Variants in MAP3K13 observed in about 807,000 individuals in gnomAD.
MAP3K13 encodes the protein mitogen-activated protein kinase kinase kinase 13.
A neutral mutation model predicts 104.0 loss-of-function variants in MAP3K13; 52 were observed. The observed-to-expected ratio is 0.50, with a 90% confidence interval of 0.40 to 0.63. MAP3K13 has a LOEUF of 0.63. Among genes scored for constraint, MAP3K13 ranks in the 20% least tolerant of loss-of-function variants. The probability of loss-of-function intolerance (pLI) is 0.00; values close to 1 mark genes in which losing one functional copy is unlikely to be tolerated. For synonymous variants in MAP3K13, 394 were observed against 442.2 expected, an observed-to-expected ratio of 0.89 and a Z score of 1.37; for missense variants, 914 against 1,218.5, an observed-to-expected ratio of 0.75 and a Z score of 3.72.
intron 10 of MAP3K13, among the ~76,000 whole-genome samples, chr3:185,472,755 A>C (rs1474753718): frequency 1.3e-5 from 2 of 152,122 alleles, no homozygotes; most frequent in Non-Finnish European, 2.9e-5. Context: ...AGTTGGTATG[A>C]GTTTATTTCC....
rs1560119948 is a variant in MAP3K13, at chr3:185,455,583, TGATATATATGAGA to T, written c.1278+4189_1278+4201del. On this transcript the variant is annotated intron_variant, in intron 7 of 13. Transcript: ENST00000265026. ...ATATGAGATATATATGACATATATA[TGATATATATGAGA>T]TATATATATCATATATATGAGATAT... is the stretch of plus-strand genomic sequence containing the variant. Among the ~76,000 whole-genome samples, 51 of 46,712 alleles carry T rather than the reference TGATATATATGAGA, an allele frequency of 1.1e-3. 12 individuals are homozygous for T. Among genetic ancestry groups the T allele is most frequent in the African/African-American group, 2.5e-3 (50 of 20,274 alleles). The allele number at this position is 46,712 out of a possible 152,430, so 30.6% of individuals were successfully genotyped here.
intron 2 of MAP3K13, among the ~76,000 whole-genome samples, chr3:185,325,067 T>G (rs1022552990): frequency 1.3e-5 from 2 of 152,252 alleles, no homozygotes; most frequent in Non-Finnish European, 2.9e-5. Flanking sequence ...TTCTCAATCT[T>G]GACTGTTCAA....
intron 1 of MAP3K13, among the ~76,000 whole-genome samples, chr3:185,379,142 C>T (rs927622744): frequency 6.6e-6 from 1 of 152,130 alleles, no homozygotes; most frequent in Non-Finnish European, 1.5e-5. Context: ...AATTGACTTG[C>T]CACCAAGGGA....
chr3:185,354,684 A>C (rs1723279857), intron 2 of MAP3K13, among the ~76,000 whole-genome samples: 1 of 151,856 alleles, frequency 6.6e-6, no homozygotes, highest in South Asian at 2.1e-4. Flanking sequence ...CTTGCCCCCA[A>C]ATTTCAGTTA....
In MAP3K13 at chr3:185,482,453, G is replaced by C; in HGVS notation, c.2898G>C (p.Trp966Cys). 6.2e-7 allele frequency: 1 copy of C among 1,609,510 alleles called. No individual in the cohort carries two copies. The highest frequency in any genetic ancestry group is 8.5e-7 in the Non-Finnish European group (1 of 1,175,980). Residue 966 changes from tryptophan (W) to cysteine (C), a missense_variant, in exon 14 of 14, where the codon TGG becomes TGC. Around this residue, in one of 3 missense-constraint regions of MAP3K13, gnomAD observed 583 missense variants for 737.4 expected, o/e 0.79. Transcript: ENST00000265026. This position sits in a 1 kb window ranked among gnomAD's most constrained non-coding sequence, Gnocchi z 4.5. ...ATAAACACTACAGCTCTGCTACCTG[G>C]TAATGAAGGAATACACATCCTGAAG... ...RTNKHYSSAT[W>C] is the part of the protein sequence containing the mutation.
intron 7 of MAP3K13, among the ~76,000 whole-genome samples, chr3:185,456,596 C>CTTTT (rs35547697): frequency 5.6e-4 from 60 of 107,982 alleles, no homozygotes; most frequent in Non-Finnish European, 7.5e-4. Context: ...TTTGCTTCTC[C>CTTTT]TTTTTTTTTT....
At chr3:185,399,693 A>G (rs1345372944) in intron 1 of MAP3K13, among the ~76,000 whole-genome samples, 1 of 120,148 alleles carries the variant, frequency 8.3e-6, no homozygotes, top group Non-Finnish European at 1.7e-5. Context: ...GAAGGAAGGA[A>G]GGAAGGAAGG....
chr3:185,305,161 A>G (rs1721248591), intron 2 of MAP3K13, among the ~76,000 whole-genome samples: 3 of 152,008 alleles, frequency 2.0e-5, no homozygotes, highest in Admixed American at 6.6e-5. Context: ...TCTTTTCTAT[A>G]TGTCTCGTAG....
intron 4 of MAP3K13, among the ~76,000 whole-genome samples, chr3:185,445,805 A>T (rs1315688730): frequency 2.0e-5 from 3 of 152,144 alleles, no homozygotes; most frequent in Non-Finnish European, 2.9e-5. Context: ...GAAAAATTCT[A>T]ATGTTATATT....
At chr3:185,283,121 T>C (rs926968606) in intron 1 of MAP3K13, 10 of 152,376 alleles carry the variant, frequency 6.6e-5, no homozygotes, top group African/African-American at 2.4e-4. Flanking sequence ...TGGACACAGG[T>C]TAGGTAATGG....
intron 2 of MAP3K13, among the ~76,000 whole-genome samples, chr3:185,302,430 T>G (rs7650894): frequency 0.79 from 120,414 of 151,986 alleles, 47,996 homozygotes; most frequent in Non-Finnish European, 0.84. Context: ...ATAAATAAAT[T>G]AACAAATAAA....
intron 10 of MAP3K13, among the ~76,000 whole-genome samples, chr3:185,472,285 T>G (rs926798734): frequency 6.8e-6 from 1 of 148,010 alleles, no homozygotes; most frequent in Non-Finnish European, 1.5e-5. Context: ...CCATCTCGGC[T>G]CACTGCAACC....
At chr3:185,448,107 G>A in intron 5 of MAP3K13, 160 bp downstream of exon 5, 1 of 844,490 alleles carries the variant, frequency 1.2e-6, no homozygotes, top group Non-Finnish European at 2.1e-6. Context: ...TCCCAGTATG[G>A]TGATATATGG....
At position 185,437,574 on chromosome 3, in the gene MAP3K13, T is replaced by A; in HGVS notation, c.603T>A (p.Asn201Lys). 6.2e-7 allele frequency: 1 copy of A among 1,613,026 alleles called. No homozygotes were observed. Among genetic ancestry groups the A allele is most frequent in the Non-Finnish European group, 8.5e-7 (1 of 1,179,862 alleles). Reference sequence around the variant, plus strand: ...CCATCAAGAAAGTGAGAGAACAGAATGAGACGGATATCAAGCATTTGAGGA... The same window carrying A: ...CCATCAAGAAAGTGAGAGAACAGAAAGAGACGGATATCAAGCATTTGAGGA... Reference protein sequence around the residue: ...EVAIKKVREQNETDIKHLRKL... With the variant: ...EVAIKKVREQKETDIKHLRKL... Residue 201 changes from asparagine (N) to lysine (K), a missense_variant, in exon 3 of 14, where the codon AAT becomes AAA. Asn to Lys is a moderately conservative substitution (Grantham distance 94, BLOSUM62 0). Around this residue, in one of 3 missense-constraint regions of MAP3K13, gnomAD observed 175 missense variants for 321.3 expected, o/e 0.54. Coordinates refer to ENST00000265026, the MANE Select transcript of MAP3K13 (RefSeq NM_004721.5).
intron 2 of MAP3K13, among the ~76,000 whole-genome samples, chr3:185,321,052 A>C (rs953218527): frequency 6.6e-6 from 1 of 151,860 alleles, no homozygotes; most frequent in African/African-American, 2.4e-5. Flanking sequence ...GTGCACACAT[A>C]TACACATGCA....
At chr3:185,340,454 C>T (rs562058410) in intron 2 of MAP3K13, among the ~76,000 whole-genome samples, 2 of 152,120 alleles carry the variant, frequency 1.3e-5, no homozygotes, top group African/African-American at 4.8e-5. Context: ...TTGCTAAAGA[C>T]GCATCAGGAA....
intron 2 of MAP3K13, among the ~76,000 whole-genome samples, chr3:185,353,201 A>G (rs982298897): frequency 1.3e-5 from 2 of 152,336 alleles, no homozygotes; most frequent in African/African-American, 4.8e-5. Context: ...GGGTATTGTT[A>G]AAAACTTCAG....
Position 185,293,128 on chromosome 3 carries a change from T to G in MAP3K13, c.-86+7485T>G, listed in dbSNP as rs908131785. On this transcript the variant is annotated intron_variant, in intron 2 of 14. Coordinates refer to the MAP3K13 transcript ENST00000424227. ...CTTTTCCTTTTCCTTTTTCTTTTTC[T>G]TTTTTTTGAGACAGAGTCTGGCTCT... The G allele has an allele frequency of 4.0e-5, 32 of 808,748 alleles. No homozygotes were observed. In the African/African-American group the frequency reaches 4.3e-4, roughly 11 times the overall value. The allele number at this position is 808,748 out of a possible 1,614,324, so 50.1% of individuals were successfully genotyped here.
In MAP3K13 at chr3:185,486,262, A is replaced by C. The variant is rs912192647; in HGVS notation, c.*3806A>C. The C allele has an allele frequency of 9.9e-5, 15 of 152,174 alleles. No individual in the cohort carries two copies. The highest frequency in any genetic ancestry group is 3.6e-4 in the African/African-American group (15 of 41,440). 9.4% of individuals were successfully genotyped at this position (152,174 alleles called of 1,614,324 possible). A position where few individuals can be genotyped will look rare whatever the true frequency, so the allele number is the denominator to read the frequency against. ...TATTGTCATCATACACCTTATGTGG[A>C]TTAACTGTTATGAGTATGTTAGGGT... On this transcript the variant is annotated 3_prime_UTR_variant, in exon 14 of 14. Transcript: ENST00000265026.
Sources: allele counts gnomAD v4.1 joint callset (sites outside exome capture counted in the v4.1 genomes callset), GRCh38; gene constraint gnomAD v4.1.1; regional missense constraint gnomAD v4.1.1; non-coding constraint Gnocchi (gnomAD v3.1); transcripts MANE v1.5; gene names NCBI Gene and HGNC (gene_info 2026-07-23, HGNC 2026-07-21).